The following CACNA1C variants were observed in gnomAD, a reference collection of about 807,000 sequenced individuals.
The protein encoded by CACNA1C is voltage-dependent L-type calcium channel subunit alpha-1C.
A neutral mutation model predicts 229.0 loss-of-function variants in CACNA1C; 30 were observed. The ratio of observed to expected loss-of-function variants is 0.13; its 90% confidence interval spans 0.10 to 0.18. CACNA1C has a LOEUF of 0.18. CACNA1C is among the 10% of genes least tolerant of loss of function. The probability of loss-of-function intolerance (pLI) is 1.00; values close to 1 mark genes in which losing one functional copy is unlikely to be tolerated. For synonymous variants in CACNA1C, 1,114 were observed against 1,132.5 expected (o/e 0.98, Z 0.33); for missense variants, 1,658 against 2,845.0 (o/e 0.58, Z 9.49).
upstream of CACNA1C, among the ~76,000 whole-genome samples, chr12:2,050,963 T>A (rs527268990): frequency 3.9e-5 from 6 of 152,288 alleles, no homozygotes; most frequent in East Asian, 5.8e-4. Context: ...TAGGCACTGG[T>A]GAACAAAATA....
chr12:2,625,338 G>C (rs528388149), intron 29 of CACNA1C, among the ~76,000 whole-genome samples: 1 of 152,192 alleles, frequency 6.6e-6, no homozygotes, highest in East Asian at 1.9e-4. Context: ...TGTGGTTTCC[G>C]TCTCTGGCCC....
At chr12:2,374,602 T>G (rs2097980089) in intron 3 of CACNA1C, among the ~76,000 whole-genome samples, 1 of 152,232 alleles carries the variant, frequency 6.6e-6, no homozygotes, top group Non-Finnish European at 1.5e-5. Context: ...CAGGGCTCCC[T>G]GCTGGCTTAC....
chr12:2,376,283 GC>G (rs2098063291), intron 3 of CACNA1C, among the ~76,000 whole-genome samples: 1 of 152,194 alleles, frequency 6.6e-6, no homozygotes, highest in South Asian at 2.1e-4. Context: ...GTGGCTTTGG[GC>G]AAGCCACTAA....
intron 3 of CACNA1C, among the ~76,000 whole-genome samples, chr12:2,256,985 A>G (rs1441098093): frequency 6.6e-6 from 1 of 152,172 alleles, no homozygotes; most frequent in East Asian, 1.9e-4. Flanking sequence ...GCACTCAAAA[A>G]TCGTGGTGAC....
intron 13 of CACNA1C, among the ~76,000 whole-genome samples, chr12:2,577,971 C>T (rs541511284): frequency 6.6e-6 from 1 of 151,444 alleles, no homozygotes; most frequent in Non-Finnish European, 1.5e-5. Flanking sequence ...CGGGTTCACG[C>T]CATTCTCCTG....
At chr12:2,304,108 A>G (rs2094811557) in intron 3 of CACNA1C, among the ~76,000 whole-genome samples, 3 of 152,170 alleles carry the variant, frequency 2.0e-5, no homozygotes, top group Admixed American at 2.0e-4. Context: ...CGGGGTGCAC[A>G]GGACGGAGCA....
intron 13 of CACNA1C, among the ~76,000 whole-genome samples, chr12:2,572,648 TCCTC>T (rs1224925426): frequency 8.4e-6 from 1 of 119,162 alleles, no homozygotes; most frequent in East Asian, 2.9e-4. Context: ...CTTCTCCTCT[TCCTC>T]CTCCTCTCTT....
At chr12:2,562,163 G>A (rs1422388646) in intron 11 of CACNA1C, among the ~76,000 whole-genome samples, 1 of 149,812 alleles carries the variant, frequency 6.7e-6, no homozygotes, top group African/African-American at 2.5e-5. Flanking sequence ...GTCCACTCCG[G>A]CCACTCCTCA....
At chr12:2,561,767 A>G (rs1357315253) in intron 11 of CACNA1C, among the ~76,000 whole-genome samples, 4 of 152,184 alleles carry the variant, frequency 2.6e-5, no homozygotes, top group African/African-American at 9.7e-5. Flanking sequence ...GATGAGACCC[A>G]TTCGTATCCA....
chr12:2,277,396 C>G (rs1332085373), intron 3 of CACNA1C, among the ~76,000 whole-genome samples: 1 of 141,298 alleles, frequency 7.1e-6, no homozygotes, highest in African/African-American at 2.6e-5. Context: ...CACACACACA[C>G]ACACACACAC....
At position 2,245,222 on chromosome 12, in the gene CACNA1C, T is replaced by A. The variant is rs568758794; in HGVS notation, c.477+124792T>A. Among the ~76,000 whole-genome samples, 4 of 152,308 alleles carry A rather than the reference T, an allele frequency of 2.6e-5. 1 individual carries two copies. The East Asian group carries it at 7.7e-4, about 29-fold the overall frequency. ...TTAATGGCATTCTGTTCCTCCTAGT[T>A]GAAGACAGCAAAATGGAAGCATAAG... On this transcript the variant is annotated intron_variant, in intron 3 of 46. Transcript: ENST00000399655.
In CACNA1C at chr12:2,196,191, C is replaced by A. The variant is rs561311102; in HGVS notation, c.477+75761C>A. Among the ~76,000 whole-genome samples the A allele has an allele frequency of 4.8e-3, 725 of 152,230 alleles. 3 individuals carry two copies. Among genetic ancestry groups the A allele is most frequent in the Middle Eastern group, 0.02 (6 of 294 alleles). On this transcript the variant is annotated intron_variant, in intron 3 of 46. Coordinates refer to ENST00000399655, the MANE Select transcript of CACNA1C (RefSeq NM_000719.7). ...GGGCAGGCTGGTTTAGGGCAGTGTA[C>A]CTGGGGCAAGGAGTCTGGGGTCCTT...
At chr12:2,519,040 C>T (rs1048796431) in intron 9 of CACNA1C, among the ~76,000 whole-genome samples, 31 of 152,356 alleles carry the variant, frequency 2.0e-4, no homozygotes, top group Non-Finnish European at 3.4e-4. Flanking sequence ...GGACCCTGCC[C>T]AGCAGACCAC....
At chr12:2,450,417 G>C (rs891818042) in intron 4 of CACNA1C, among the ~76,000 whole-genome samples, 1 of 151,748 alleles carries the variant, frequency 6.6e-6, no homozygotes, top group African/African-American at 2.4e-5. Context: ...AGCCGGGCGA[G>C]GTGGCGGGCG....
intron 9 of CACNA1C, among the ~76,000 whole-genome samples, chr12:2,515,879 G>A (rs992270832): frequency 6.6e-6 from 1 of 152,180 alleles, no homozygotes; most frequent in Non-Finnish European, 1.5e-5. Context: ...ATATGTTCCA[G>A]TTCATTCATT....
At chr12:2,048,369 T>A (rs1454472243), upstream of CACNA1C, 1 of 152,218 alleles carries the variant, frequency 6.6e-6, no homozygotes, top group Non-Finnish European at 1.5e-5. Flanking sequence ...GACTCCACTC[T>A]TCCTACTCTG....
chr12:2,367,602 C>T (rs1318304277), intron 3 of CACNA1C, among the ~76,000 whole-genome samples: 3 of 151,854 alleles, frequency 2.0e-5, no homozygotes, highest in Non-Finnish European at 4.4e-5. Flanking sequence ...TGCAAAAAGG[C>T]TAAAAGTTTA....
intron 3 of CACNA1C, among the ~76,000 whole-genome samples, chr12:2,363,815 T>G (rs2097646883): frequency 6.6e-6 from 1 of 152,206 alleles, no homozygotes; most frequent in South Asian, 2.1e-4. Flanking sequence ...CGGTAAAGAA[T>G]ACCTCTGCTT....
At chr12:2,556,560 C>T (rs568332465) in intron 10 of CACNA1C, among the ~76,000 whole-genome samples, 88 of 152,270 alleles carry the variant, frequency 5.8e-4, no homozygotes, top group African/African-American at 1.9e-3. Flanking sequence ...AGGTCTGTGC[C>T]GACCTGTTCT....
Sources: allele counts gnomAD v4.1 joint callset (sites outside exome capture counted in the v4.1 genomes callset), GRCh38; gene constraint gnomAD v4.1.1; transcripts MANE v1.5; gene names NCBI Gene and HGNC (gene_info 2026-07-23, HGNC 2026-07-21).